COL24A1: variants seen among roughly 807,000 people sequenced by gnomAD.
The protein encoded by COL24A1 is collagen alpha-1(XXIV) chain.
A neutral mutation model predicts 253.9 loss-of-function variants in COL24A1; 224 were observed. The observed-to-expected ratio is 0.88, with a 90% CI of 0.79 to 0.99. The LOEUF (loss-of-function observed/expected upper bound fraction) is 0.99, where lower values mean the gene tolerates loss of function less well. Among genes scored for constraint, COL24A1 ranks in the 50% least tolerant of loss-of-function variants. The pLI is 0.00. For missense variants in COL24A1, 2,131 were observed against 2,068.5 expected (o/e 1.03, Z -0.59); for synonymous variants, 685 against 673.7 (o/e 1.02, Z -0.26).
intron 57 of COL24A1, among the ~76,000 whole-genome samples, chr1:85,738,682 C>T (rs1473457522): frequency 6.6e-6 from 1 of 152,152 alleles, no homozygotes; most frequent in Non-Finnish European, 1.5e-5. Flanking sequence ...ATTTTTTCTA[C>T]AGTAGGCAGA....
intron 39 of COL24A1, among the ~76,000 whole-genome samples, chr1:85,846,565 A>C (rs573028351): frequency 6.6e-6 from 1 of 152,114 alleles, no homozygotes; most frequent in Admixed American, 6.5e-5. Flanking sequence ...CAACAATCTA[A>C]TGTGCAGTAT....
intron 43 of COL24A1, among the ~76,000 whole-genome samples, chr1:85,827,923 C>T (rs1674611873): frequency 6.6e-6 from 1 of 152,044 alleles, no homozygotes; most frequent in Admixed American, 6.6e-5. Flanking sequence ...CTATTTCCTT[C>T]AGTTCTGCTG....
At chr1:86,031,950 A>C (rs768693328) in intron 13 of COL24A1, 28 bp from the exon 14 acceptor site, 2 of 1,571,980 alleles carry the variant, frequency 1.3e-6, no homozygotes, top group Non-Finnish European at 1.7e-6. Flanking sequence ...TGCAATACTT[A>C]TTAAATTTGA....
intron 19 of COL24A1, among the ~76,000 whole-genome samples, chr1:86,008,355 C>T (rs1428797102): frequency 1.3e-5 from 2 of 152,170 alleles, no homozygotes; most frequent in East Asian, 3.9e-4. Context: ...AGTGTTCCTC[C>T]CACCTCAGCC....
At chr1:85,997,763 GA>G (rs56060135) in intron 19 of COL24A1, among the ~76,000 whole-genome samples, 42 of 136,192 alleles carry the variant, frequency 3.1e-4, no homozygotes, top group East Asian at 1.3e-3. Flanking sequence ...CCTGGCTACA[GA>G]AAAAAAAAAA....
chr1:85,979,516 C>A (rs1005177633), intron 20 of COL24A1, among the ~76,000 whole-genome samples: 9 of 151,894 alleles, frequency 5.9e-5, no homozygotes, highest in African/African-American at 2.2e-4. Flanking sequence ...ACAACTGATA[C>A]TACAGAAATA....
chr1:86,114,967 C>T (rs377076199), intron 4 of COL24A1, among the ~76,000 whole-genome samples: 2 of 152,240 alleles, frequency 1.3e-5, no homozygotes, highest in East Asian at 3.9e-4. Flanking sequence ...CAGGAATGTA[C>T]TATTTTAAGG....
chr1:85,874,736 C>G (rs1680937371), intron 34 of COL24A1, 34 bp from the exon 35 acceptor site: 2 of 1,606,226 alleles, frequency 1.2e-6, no homozygotes, highest in East Asian at 4.5e-5. Flanking sequence ...AAACTCTTTT[C>G]TACTAAGACT....
At chr1:85,743,214 ATCT>A (rs1418973646) in intron 57 of COL24A1, among the ~76,000 whole-genome samples, 1 of 152,122 alleles carries the variant, frequency 6.6e-6, no homozygotes, top group Non-Finnish European at 1.5e-5. Flanking sequence ...ACTTTTTGAT[ATCT>A]TTCTAATTTA....
intron 7 of COL24A1, among the ~76,000 whole-genome samples, chr1:86,079,615 A>G (rs1421618727): frequency 6.6e-6 from 1 of 152,150 alleles, no homozygotes; most frequent in African/African-American, 2.4e-5. Flanking sequence ...AAGTAATCCA[A>G]TTAAAAATGG....
At chr1:85,748,543 A>G (rs1034959888) in intron 55 of COL24A1, among the ~76,000 whole-genome samples, 1 of 152,112 alleles carries the variant, frequency 6.6e-6, no homozygotes, top group African/African-American at 2.4e-5. Flanking sequence ...AGATGGCCGA[A>G]TAGGAACAGC....
chr1:85,834,747 C>T (rs999094642), intron 43 of COL24A1, among the ~76,000 whole-genome samples: 4 of 152,012 alleles, frequency 2.6e-5, no homozygotes, highest in Non-Finnish European at 5.9e-5. Flanking sequence ...AAAGTGTTTC[C>T]ATTTATACCT....
intron 24 of COL24A1, among the ~76,000 whole-genome samples, chr1:85,951,532 A>T (rs1174626745): frequency 6.6e-6 from 1 of 152,160 alleles, no homozygotes; most frequent in African/African-American, 2.4e-5. Flanking sequence ...GATCATAGGG[A>T]GTAAGTTGGA....
chr1:85,822,709 G>A (rs1308075078), intron 45 of COL24A1, among the ~76,000 whole-genome samples: 1 of 152,116 alleles, frequency 6.6e-6, no homozygotes, highest in African/African-American at 2.4e-5. Flanking sequence ...AACCTTCTAA[G>A]CCCTCCGTGT....
At chr1:85,797,509 C>T (rs1262113277) in intron 47 of COL24A1, among the ~76,000 whole-genome samples, 1 of 152,108 alleles carries the variant, frequency 6.6e-6, no homozygotes, top group Non-Finnish European at 1.5e-5. Context: ...ACACAAAGGC[C>T]AGAAAGTGGG....
Position 86,125,360 on chromosome 1 carries a change from C to T in COL24A1, c.976G>A (p.Asp326Asn), listed in dbSNP as rs1416278104. 1 of 1,613,494 alleles carries T rather than the reference C, an allele frequency of 6.2e-7. No individual in the cohort carries two copies. The highest frequency in any genetic ancestry group is 1.3e-5 in the African/African-American group (1 of 74,868). ...GCCTGAATCCCATGGTTTGTGAGAT[C>T]CACAGCAGAGACATTTCCTGACTGA... is the stretch of plus-strand genomic sequence containing the variant. ...SLQSGNVSAV[D>N]LTNHGIQAKE... The change falls in exon 3 of 60, where the codon GAT becomes AAT. Residue 326 changes from aspartate (D) to asparagine (N), a missense_variant. Coordinates refer to ENST00000370571, the MANE Select transcript of COL24A1 (RefSeq NM_152890.7).
chr1:85,834,804 C>T (rs1300091669), intron 43 of COL24A1, among the ~76,000 whole-genome samples: 1 of 152,128 alleles, frequency 6.6e-6, no homozygotes, highest in Non-Finnish European at 1.5e-5. Context: ...CCCTCCATGT[C>T]CTCTGGCTCT....
chr1:85,956,252 T>G (rs1020747837), intron 24 of COL24A1, among the ~76,000 whole-genome samples: 1 of 152,202 alleles, frequency 6.6e-6, no homozygotes. Context: ...CTTCAATAAA[T>G]ATATTTATTT....
chr1:85,998,364 T>C (rs1695062656), intron 19 of COL24A1, among the ~76,000 whole-genome samples: 1 of 152,180 alleles, frequency 6.6e-6, no homozygotes, highest in Non-Finnish European at 1.5e-5. Context: ...CTATGAAAAC[T>C]TTCACAATCC....
Sources: gnomAD v4.1 joint callset for allele counts (sites outside exome capture counted in the v4.1 genomes callset) on GRCh38, gnomAD v4.1.1 for gene constraint, MANE v1.5 for transcripts, NCBI Gene and HGNC (gene_info 2026-07-23, HGNC 2026-07-21) for gene names.